UTS2B: variants seen among roughly 807,000 people sequenced by gnomAD.
The protein encoded by UTS2B is urotensin-2B.
A neutral mutation model predicts 19.2 loss-of-function variants in UTS2B; 21 were observed. The ratio of observed to expected loss-of-function variants is 1.09; its 90% CI spans 0.78 to 1.58. The LOEUF (loss-of-function observed/expected upper bound fraction) is 1.58. UTS2B is among the 40% of genes most tolerant of loss of function. The pLI, the probability that UTS2B is intolerant of heterozygous loss-of-function variation, is 0.00. For missense variants in UTS2B, 138 were observed against 130.3 expected, an observed-to-expected ratio of 1.06 and a Z score of -0.29; for synonymous variants, 57 against 50.2, an observed-to-expected ratio of 1.14 and a Z score of -0.58.
intron 6 of UTS2B, among the ~76,000 whole-genome samples, 168 bp downstream of exon 6, chr3:191,277,904 T>G (rs1716278514): frequency 6.6e-6 from 1 of 151,856 alleles, no homozygotes; most frequent in African/African-American, 2.4e-5. Context: ...AATAACTCCA[T>G]GGATTTAACA....
upstream of UTS2B, among the ~76,000 whole-genome samples, chr3:191,332,931 A>C (rs1342401777): frequency 1.3e-5 from 2 of 152,204 alleles, no homozygotes; most frequent in South Asian, 4.1e-4. Flanking sequence ...CAATTTCTTA[A>C]GCATTAGAGC....
intron 4 of UTS2B, among the ~76,000 whole-genome samples, chr3:191,293,622 T>A (rs534377703): frequency 9.9e-5 from 15 of 152,164 alleles, no homozygotes; most frequent in Admixed American, 5.2e-4. Flanking sequence ...TCTGTAAATA[T>A]TCTGTCTCAT....
chr3:191,337,418 G>A, the UTS2B span, among the ~76,000 whole-genome samples: 3 of 150,648 alleles, frequency 2.0e-5, no homozygotes, highest in Admixed American at 6.6e-5. Flanking sequence ...TTTTTAAGAC[G>A]GTGTCTAGCT....
At chr3:191,280,532 A>C (rs1576915876) in intron 5 of UTS2B, among the ~76,000 whole-genome samples, 1 of 152,226 alleles carries the variant, frequency 6.6e-6, no homozygotes, top group Non-Finnish European at 1.5e-5. Context: ...ATCTTGGACT[A>C]TTTAGATAGA....
At chr3:191,287,718 C>A (rs1716595283) in intron 4 of UTS2B, among the ~76,000 whole-genome samples, 1 of 151,912 alleles carries the variant, frequency 6.6e-6, no homozygotes, top group East Asian at 1.9e-4. Flanking sequence ...CCCACTCTCA[C>A]CATTACTACG....
upstream of UTS2B, among the ~76,000 whole-genome samples, chr3:191,332,381 T>C (rs1718019402): frequency 6.6e-6 from 1 of 152,214 alleles, no homozygotes; most frequent in African/African-American, 2.4e-5. Flanking sequence ...TGAGTTCATA[T>C]GTAGGTGAAA....
chr3:191,280,962 ATT>A (rs1716369264), intron 5 of UTS2B, among the ~76,000 whole-genome samples: 1 of 152,156 alleles, frequency 6.6e-6, no homozygotes, highest in Non-Finnish European at 1.5e-5. Context: ...CCAGGCTTGT[ATT>A]TAGGTCTCTG....
At chr3:191,307,542 A>G (rs998991796) in intron 3 of UTS2B, among the ~76,000 whole-genome samples, 20 of 152,162 alleles carry the variant, frequency 1.3e-4, no homozygotes, top group African/African-American at 3.9e-4. Flanking sequence ...GTCCTGCAGG[A>G]TAAATTTGGA....
chr3:191,317,064 G>A (rs952785723), intron 2 of UTS2B, among the ~76,000 whole-genome samples: 1 of 152,252 alleles, frequency 6.6e-6, no homozygotes, highest in Non-Finnish European at 1.5e-5. Context: ...GGAGCAGGGG[G>A]TGGTGCCCGT....
intron 5 of UTS2B, among the ~76,000 whole-genome samples, chr3:191,281,692 T>C (rs867245499): frequency 2.7e-5 from 4 of 150,870 alleles, no homozygotes; most frequent in Admixed American, 6.7e-5. Context: ...AACTTACTAA[T>C]AGTCTTGTAA....
chr3:191,329,753 A>AC (rs770921574), intron 1 of UTS2B: 1 of 1,597,866 alleles, frequency 6.3e-7, no homozygotes, highest in African/African-American at 1.3e-5. Flanking sequence ...AGCGCGCGGG[A>AC]CCCTCCCCTC....
At chr3:191,315,472 C>T (rs7643024) in intron 3 of UTS2B, among the ~76,000 whole-genome samples, 7,403 of 152,248 alleles carry the variant, frequency 0.049, 593 homozygotes, top group African/African-American at 0.17. Context: ...GATCTGATAC[C>T]ACCTCCAGGT....
At chr3:191,309,471 C>A (rs1372220365) in intron 3 of UTS2B, among the ~76,000 whole-genome samples, 2 of 152,204 alleles carry the variant, frequency 1.3e-5, no homozygotes, top group Non-Finnish European at 2.9e-5. Context: ...CCTCGCCTGG[C>A]CTCTTTGTTT....
chr3:191,320,691 C>G (rs1487090718), intron 2 of UTS2B, among the ~76,000 whole-genome samples: 1 of 152,124 alleles, frequency 6.6e-6, no homozygotes. Flanking sequence ...TATTTTAAAG[C>G]TTGAGTTGAC....
chr3:191,273,103 G>T (rs1716134598), intron 8 of UTS2B, among the ~76,000 whole-genome samples: 1 of 152,222 alleles, frequency 6.6e-6, no homozygotes, highest in African/African-American at 2.4e-5. Flanking sequence ...GGGAGGCAGA[G>T]GTTGCAGTGA....
chr3:191,344,291 C>T, the UTS2B span, among the ~76,000 whole-genome samples: 23,802 of 152,160 alleles, frequency 0.16, 2,788 homozygotes, highest in African/African-American at 0.33. Flanking sequence ...TAGAGCAGTC[C>T]TATCTAATAG....
At chr3:191,308,123 C>T (rs60698947) in intron 3 of UTS2B, among the ~76,000 whole-genome samples, 7,441 of 152,210 alleles carry the variant, frequency 0.049, 594 homozygotes, top group African/African-American at 0.17. Flanking sequence ...CATCAGCCAC[C>T]ACGATGTAGG....
At chr3:191,272,631 C>A (rs533109037) in intron 8 of UTS2B, among the ~76,000 whole-genome samples, 6 of 152,014 alleles carry the variant, frequency 3.9e-5, no homozygotes, top group Non-Finnish European at 8.8e-5. Context: ...GAGGCAGAAG[C>A]GGGTGGATCA....
chr3:191,282,598 A>T (rs554287649), intron 4 of UTS2B, among the ~76,000 whole-genome samples: 31 of 152,306 alleles, frequency 2.0e-4, no homozygotes, highest in African/African-American at 7.5e-4. Context: ...GGATTAATTA[A>T]CCTCAAATCT....
Sources: gnomAD v4.1 joint callset for allele counts (sites outside exome capture counted in the v4.1 genomes callset) on GRCh38, gnomAD v4.1.1 for gene constraint, MANE v1.5 for transcripts, NCBI Gene and HGNC (gene_info 2026-07-23, HGNC 2026-07-21) for gene names.